The following ELP4 variants were observed in gnomAD, a reference collection of about 807,000 sequenced individuals.
ELP4 encodes the protein elongator acetyltransferase complex subunit 4, also known as elongator complex protein 4.
ELP4 carries 51 observed loss-of-function variants against 48.9 expected under a neutral mutation model. The observed-to-expected ratio is 1.04, with a 90% CI of 0.83 to 1.32. ELP4 has a LOEUF of 1.32. Among genes scored for constraint, ELP4 ranks in the 40% most tolerant of loss-of-function variants. The pLI is 0.00. For missense variants in ELP4, 519 were observed against 514.6 expected (o/e 1.01, Z -0.08); for synonymous variants, 210 against 189.2 (o/e 1.11, Z -0.90).
At chr11:31,676,639 A>T (rs10835805) in intron 9 of ELP4, among the ~76,000 whole-genome samples, 92,274 of 152,158 alleles carry the variant, frequency 0.61, 31,755 homozygotes, top group Non-Finnish European at 0.76. Context: ...ACTAGTTGAA[A>T]TAATACCATT....
chr11:31,518,367 A>G (rs1956156421), intron 1 of ELP4, among the ~76,000 whole-genome samples: 1 of 152,132 alleles, frequency 6.6e-6, no homozygotes, highest in Non-Finnish European at 1.5e-5. Flanking sequence ...CAGCCTCCCA[A>G]AGTGCTGGGA....
rs922348498 is a variant in ELP4 at position 31,518,604 on chromosome 11, C to A, written c.224-1452C>A. 3.4e-5 allele frequency among the ~76,000 whole-genome samples: 5 copies of A among 147,952 alleles called. No homozygotes were observed. In the East Asian group the frequency reaches 8.2e-4, roughly 24 times the overall value. On this transcript the variant is annotated intron_variant, in intron 1 of 9. Coordinates refer to ENST00000640961, the MANE Select transcript of ELP4 (RefSeq NM_019040.5). ...TCTTGCCTTCCAGGTTCAAAAAATT[C>A]TCGTGTCTCAGGCTGGGCACGGTGG...
At chr11:31,734,084 T>C (rs565624259) in intron 9 of ELP4, among the ~76,000 whole-genome samples, 2 of 152,346 alleles carry the variant, frequency 1.3e-5, no homozygotes, top group South Asian at 4.1e-4. Flanking sequence ...TTGAATTTGA[T>C]ACATCACATT....
chr11:31,714,264 T>G (rs1205783722), intron 9 of ELP4, among the ~76,000 whole-genome samples: 1 of 152,196 alleles, frequency 6.6e-6, no homozygotes, highest in African/African-American at 2.4e-5. Flanking sequence ...AATCTCTTGT[T>G]GTAATTAAAT....
chr11:31,586,703 G>A lies in ELP4; in HGVS notation c.382-8067G>A, dbSNP rs530614521. On this transcript the variant is annotated intron_variant, in intron 3 of 9. Transcript: ENST00000640961. ...GTCACCCAGGCTGGAGTGCAGTGGC[G>A]CAATCTCGGCTCGCTGCAAGCTCCG... 3.3e-5 allele frequency among the ~76,000 whole-genome samples: 5 copies of A among 151,848 alleles called. No individual in the cohort carries two copies. The East Asian group carries it at 5.8e-4, about 18-fold the overall frequency.
chr11:31,722,462 C>T (rs1275870558), intron 9 of ELP4, among the ~76,000 whole-genome samples: 1 of 152,108 alleles, frequency 6.6e-6, no homozygotes, highest in Non-Finnish European at 1.5e-5. Flanking sequence ...AATAATCAAT[C>T]ATCTGTGACT....
At chr11:31,585,272 A>T (rs1263113472) in intron 3 of ELP4, among the ~76,000 whole-genome samples, 1 of 152,154 alleles carries the variant, frequency 6.6e-6, no homozygotes, top group Non-Finnish European at 1.5e-5. Flanking sequence ...CTCAAATTTA[A>T]ACAAATGTTT....
At chr11:31,513,141 C>T (rs537492280) in intron 1 of ELP4, among the ~76,000 whole-genome samples, 2 of 152,180 alleles carry the variant, frequency 1.3e-5, no homozygotes, top group South Asian at 2.1e-4. Context: ...GCTTGGACTA[C>T]ATATTTAACA....
chr11:31,550,332 T>C (rs1242282462), intron 3 of ELP4, among the ~76,000 whole-genome samples: 1 of 152,140 alleles, frequency 6.6e-6, no homozygotes, highest in East Asian at 1.9e-4. Flanking sequence ...ATGATGGATA[T>C]ATTTTTTGTC....
intron 6 of ELP4, among the ~76,000 whole-genome samples, chr11:31,627,886 T>G (rs1944780342): frequency 6.6e-6 from 1 of 152,120 alleles, no homozygotes; most frequent in Non-Finnish European, 1.5e-5. Flanking sequence ...ACCATTATTT[T>G]TATTGAAGAA....
intron 3 of ELP4, among the ~76,000 whole-genome samples, chr11:31,584,219 A>C (rs965669566): frequency 2.6e-5 from 4 of 151,954 alleles, no homozygotes; most frequent in African/African-American, 9.7e-5. Flanking sequence ...TTTTATTAAA[A>C]TACTTGTTTA....
At chr11:31,680,298 T>G (rs556094638) in intron 9 of ELP4, among the ~76,000 whole-genome samples, 54 of 152,318 alleles carry the variant, frequency 3.5e-4, no homozygotes, top group Admixed American at 1.0e-3. Context: ...TATTGGTTCT[T>G]TATTATACAG....
rs181793579 is a variant in ELP4, at chr11:31,781,962, G to T, written c.1144-1431G>T. ...TATTTAATTGCTTAATAAGTGACAGGCTGGGTCCCATGGATACTAAGGAAT... is the reference window on the plus strand; with the variant it reads ...TATTTAATTGCTTAATAAGTGACAGTCTGGGTCCCATGGATACTAAGGAAT... On this transcript the variant is annotated intron_variant, in intron 9 of 9. Transcript: ENST00000640961. 1.4e-4 allele frequency among the ~76,000 whole-genome samples: 22 copies of T among 152,214 alleles called. No homozygotes were observed. The East Asian group carries it at 3.7e-3, about 25-fold the overall frequency.
chr11:31,539,711 G>T lies in ELP4; in HGVS notation c.309G>T (p.Leu103=). The T allele has an allele frequency of 6.2e-7, 1 of 1,610,600 alleles. No individual in the cohort carries two copies. ...CACCTTTGCTCTTCAAGTATTTCCT[G>T]GCAGAAGGAATTGTCAATGGGCATA... The part of the protein sequence containing the change: ...IYSPLLFKYF[L]AEGIVNGHTL... Residue 103 remains leucine, a synonymous_variant, in exon 3 of 10, where the codon CTG becomes CTT. Transcript: ENST00000640961.
chr11:31,746,495 CCAA>C (rs1344006247), intron 9 of ELP4, among the ~76,000 whole-genome samples: 2 of 152,156 alleles, frequency 1.3e-5, no homozygotes, highest in African/African-American at 2.4e-5. Flanking sequence ...ACGTAAATGT[CCAA>C]CAACAATAGA....
At chr11:31,511,420 C>G (rs1486390211) in intron 1 of ELP4, 1 of 152,088 alleles carries the variant, frequency 6.6e-6, no homozygotes, top group African/African-American at 2.4e-5. Flanking sequence ...TCTTCAGTTC[C>G]TCATTAGAAT....
chr11:31,670,087 A>G (rs1398130123), intron 9 of ELP4, among the ~76,000 whole-genome samples: 1 of 152,156 alleles, frequency 6.6e-6, no homozygotes, highest in East Asian at 1.9e-4. Flanking sequence ...CTTTTTAATG[A>G]TGAGTTTGTT....
At chr11:31,549,207 A>G (rs1357872206) in intron 3 of ELP4, among the ~76,000 whole-genome samples, 7 of 151,314 alleles carry the variant, frequency 4.6e-5, no homozygotes, top group African/African-American at 1.7e-4. Flanking sequence ...GCAACCCACA[A>G]AATGGGAGAA....
intron 9 of ELP4, chr11:31,664,060 A>G (rs188925932): frequency 5.9e-5 from 9 of 152,298 alleles, no homozygotes; most frequent in Non-Finnish European, 1.0e-4. Context: ...TTTCAGCCTA[A>G]TAAAAATGTT....
Sources: allele counts gnomAD v4.1 joint callset (sites outside exome capture counted in the v4.1 genomes callset), GRCh38; gene constraint gnomAD v4.1.1; transcripts MANE v1.5; gene names NCBI Gene and HGNC (gene_info 2026-07-23, HGNC 2026-07-21).